The following RBMS3 variants were observed in gnomAD, a reference collection of about 807,000 sequenced individuals.
The protein encoded by RBMS3 is RNA-binding motif, single-stranded-interacting protein 3.
Under a neutral mutation model 66.8 loss-of-function variants are expected in RBMS3, and 27 were observed. That is an observed-to-expected ratio of 0.40 (90% CI 0.30 to 0.56). The LOEUF is 0.56. Among genes scored for constraint, RBMS3 ranks in the 20% least tolerant of loss-of-function variants. The pLI is 0.40. For synonymous variants in RBMS3, 188 were observed against 183.0 expected, an observed-to-expected ratio of 1.03 and a Z score of -0.22; for missense variants, 513 against 549.5, an observed-to-expected ratio of 0.93 and a Z score of 0.66.
chr3:29,845,939 G>A (rs1247908614), intron 6 of RBMS3, among the ~76,000 whole-genome samples: 1 of 152,138 alleles, frequency 6.6e-6, no homozygotes, highest in Admixed American at 6.5e-5. Flanking sequence ...GGAATTCCAA[G>A]TGCAAAGGTT....
chr3:29,904,207 G>T (rs1242015479), intron 10 of RBMS3, among the ~76,000 whole-genome samples: 2 of 151,906 alleles, frequency 1.3e-5, no homozygotes, highest in African/African-American at 4.8e-5. Context: ...ACAATGAAAT[G>T]CAAGGCTTAT....
intron 4 of RBMS3, among the ~76,000 whole-genome samples, chr3:29,656,024 G>A (rs2050315028): frequency 6.6e-6 from 1 of 152,012 alleles, no homozygotes; most frequent in South Asian, 2.1e-4. Context: ...TATTTTTACA[G>A]CTATGTGATG....
At chr3:29,882,525 G>A (rs1577063562) in intron 7 of RBMS3, among the ~76,000 whole-genome samples, 3 of 152,084 alleles carry the variant, frequency 2.0e-5, no homozygotes, top group Non-Finnish European at 2.9e-5. Context: ...TGCAAACTCC[G>A]TTTCAATTTA....
chr3:29,568,211 A>G (rs1485242469), intron 3 of RBMS3, among the ~76,000 whole-genome samples: 1 of 152,180 alleles, frequency 6.6e-6, no homozygotes, highest in Admixed American at 6.6e-5. Context: ...CTTAGTAACT[A>G]AACAGAATTA....
chr3:29,744,786 A>G (rs73042400), intron 5 of RBMS3, among the ~76,000 whole-genome samples: 228 of 39,426 alleles, frequency 5.8e-3, no homozygotes, highest in African/African-American at 0.017. Context: ...TCCGTCTCGG[A>G]AAAAAAAAAA....
chr3:29,696,362 G>T (rs1383568390), intron 4 of RBMS3, among the ~76,000 whole-genome samples: 1 of 152,186 alleles, frequency 6.6e-6, no homozygotes. Context: ...CACAGTAAGT[G>T]CTGAATAAAT....
intron 10 of RBMS3, among the ~76,000 whole-genome samples, chr3:29,920,988 G>A (rs896236628): frequency 6.6e-6 from 1 of 152,116 alleles, no homozygotes; most frequent in Non-Finnish European, 1.5e-5. Context: ...TTATACCGAG[G>A]CCATTGGATA....
At chr3:29,599,302 T>C in intron 4 of RBMS3, among the ~76,000 whole-genome samples, 1 of 151,728 alleles carries the variant, frequency 6.6e-6, no homozygotes, top group Non-Finnish European at 1.5e-5. Flanking sequence ...GGATACCCCA[T>C]TCTCCATGAT....
chr3:29,968,024 T>C (rs1235547261), intron 12 of RBMS3, among the ~76,000 whole-genome samples: 1 of 152,220 alleles, frequency 6.6e-6, no homozygotes, highest in Non-Finnish European at 1.5e-5. Flanking sequence ...GTTTAGTTTG[T>C]TCTTGTTTCT....
chr3:29,813,460 C>A (rs982987210), intron 6 of RBMS3, among the ~76,000 whole-genome samples: 3 of 151,964 alleles, frequency 2.0e-5, no homozygotes, highest in Admixed American at 2.0e-4. Context: ...CTTGGCGATG[C>A]GGGCTCTTTT....
chr3:29,434,018 C>T (rs1451729478), intron 1 of RBMS3, among the ~76,000 whole-genome samples: 1 of 152,124 alleles, frequency 6.6e-6, no homozygotes, highest in African/African-American at 2.4e-5. Context: ...CTACAGTGAA[C>T]AAGGACAGTG....
intron 3 of RBMS3, among the ~76,000 whole-genome samples, chr3:29,574,336 T>G (rs1007623309): frequency 6.6e-6 from 1 of 152,164 alleles, no homozygotes; most frequent in African/African-American, 2.4e-5. Context: ...CTCCTTGCAG[T>G]TTTTGTCTTG....
intron 5 of RBMS3, among the ~76,000 whole-genome samples, chr3:29,754,086 T>A (rs1409427041): frequency 1.3e-5 from 2 of 151,028 alleles, no homozygotes; most frequent in African/African-American, 4.9e-5. Flanking sequence ...GCCTCCCGAG[T>A]AGCTGAGATT....
intron 3 of RBMS3, among the ~76,000 whole-genome samples, chr3:29,515,558 T>C (rs539974467): frequency 1.3e-5 from 2 of 152,332 alleles, no homozygotes; most frequent in East Asian, 3.9e-4. Context: ...GCTGGAAGGA[T>C]GTATCCTTTC....
At chr3:29,753,103 A>G (rs1410987014) in intron 5 of RBMS3, among the ~76,000 whole-genome samples, 3 of 152,234 alleles carry the variant, frequency 2.0e-5, no homozygotes, top group Admixed American at 2.0e-4. Flanking sequence ...CAATCTAGTC[A>G]GAAAGCTGGT....
intron 11 of RBMS3, among the ~76,000 whole-genome samples, chr3:29,936,659 T>G (rs2061272552): frequency 6.6e-6 from 1 of 152,076 alleles, no homozygotes; most frequent in Non-Finnish European, 1.5e-5. Context: ...ATCGAGTTCT[T>G]TTAATCCTTC....
intron 2 of RBMS3, among the ~76,000 whole-genome samples, chr3:29,478,821 G>T (rs1433953616): frequency 6.6e-6 from 1 of 152,204 alleles, no homozygotes; most frequent in Non-Finnish European, 1.5e-5. Context: ...GCTACATATT[G>T]TGAAGCCATA....
intron 6 of RBMS3, among the ~76,000 whole-genome samples, chr3:29,779,285 A>G (rs1457855571): frequency 2.0e-5 from 3 of 150,392 alleles, no homozygotes; most frequent in South Asian, 2.1e-4. Flanking sequence ...GTGTGTGTGT[A>G]TATATATGTA....
intron 6 of RBMS3, among the ~76,000 whole-genome samples, chr3:29,815,572 G>A (rs949659815): frequency 6.6e-6 from 1 of 151,978 alleles, no homozygotes; most frequent in Middle Eastern, 3.4e-3. Flanking sequence ...AAGAAAATGT[G>A]GTATATATAC....
Sources: allele counts gnomAD v4.1 joint callset (sites outside exome capture counted in the v4.1 genomes callset), GRCh38; gene constraint gnomAD v4.1.1; transcripts MANE v1.5; gene names NCBI Gene and HGNC (gene_info 2026-07-23, HGNC 2026-07-21).